Variants in OTOGL observed in about 807,000 individuals in gnomAD.
OTOGL encodes the protein otogelin-like protein.
A neutral mutation model predicts 318.5 loss-of-function variants in OTOGL; 285 were observed. The ratio of observed to expected loss-of-function variants is 0.89; its 90% CI spans 0.81 to 0.99. OTOGL has a LOEUF of 0.99. OTOGL is among the 50% of genes least tolerant of loss of function. OTOGL has a pLI of 0.00. For synonymous variants in OTOGL, 987 were observed against 936.5 expected (o/e 1.05, Z -0.99); for missense variants, 2,899 against 2,845.6 (o/e 1.02, Z -0.43).
At chr12:80,196,350 A>G (rs1362522043) in intron 1 of OTOGL, among the ~76,000 whole-genome samples, 1 of 152,230 alleles carries the variant, frequency 6.6e-6, no homozygotes, top group Non-Finnish European at 1.5e-5. Context: ...TGATGTGATA[A>G]TATTGTTATT....
chr12:80,358,689 G>A lies in OTOGL; in HGVS notation c.6140G>A (p.Cys2047Tyr). Residue 2047 changes from cysteine (C) to tyrosine (Y), a missense_variant, in exon 51 of 59, where the codon TGT becomes TAT. Physicochemically the swap from Cys to Tyr is radical, Grantham distance 194 (BLOSUM62 -2). Coordinates refer to ENST00000547103, the MANE Select transcript of OTOGL (RefSeq NM_001378609.3). ...TTTTTAGTATGTGAACCAAACCTTT[G>A]TCCTATGCCATTACTCAACTGTGCA... Reference protein sequence around the residue: ...QYYCVCEPNLCPMPLLNCAED... With the variant: ...QYYCVCEPNLYPMPLLNCAED... 6.2e-7 allele frequency: 1 copy of A among 1,612,260 alleles called. No homozygotes were observed. Among genetic ancestry groups the A allele is most frequent in the Non-Finnish European group, 8.5e-7 (1 of 1,178,750 alleles).
In OTOGL at chr12:80,255,023, C is replaced by CTTT. The variant is rs761399547; in HGVS notation, c.1442-8_1442-6dup. ...ACCTCCTTTTCTTTTTCTTTGTTTT[C>CTTT]TTTTTTTTTTTGGCAGTTCAATGCT... is the stretch of plus-strand genomic sequence containing the variant. On this transcript the variant is annotated splice_polypyrimidine_tract_variant and intron_variant, in intron 15 of 58. Coordinates refer to ENST00000547103, the MANE Select transcript of OTOGL (RefSeq NM_001378609.3). 7 of 1,058,642 alleles carry CTTT rather than the reference C, an allele frequency of 6.6e-6. No homozygotes were observed. Among genetic ancestry groups the CTTT allele is most frequent in the South Asian group, 2.1e-5 (1 of 48,716 alleles). 65.6% of individuals were successfully genotyped at this position (1,058,642 alleles called of 1,614,324 possible).
At chr12:80,315,545 G>T (rs988202972) in intron 32 of OTOGL, among the ~76,000 whole-genome samples, 1 of 152,174 alleles carries the variant, frequency 6.6e-6, no homozygotes, top group Non-Finnish European at 1.5e-5. Context: ...GTGATCTAGG[G>T]AAGTATCCAT....
chr12:80,101,390 C>T (rs1297271920), intron 1 of OTOGL, among the ~76,000 whole-genome samples: 5 of 152,192 alleles, frequency 3.3e-5, no homozygotes, highest in Non-Finnish European at 7.3e-5. Flanking sequence ...TAGTCACACA[C>T]ACTTCCTCAT....
At chr12:80,127,108 C>T (rs1165857009) in intron 1 of OTOGL, among the ~76,000 whole-genome samples, 1 of 152,112 alleles carries the variant, frequency 6.6e-6, no homozygotes, top group Non-Finnish European at 1.5e-5. Context: ...TTATTTTGCA[C>T]GTTAGTTGAT....
intron 11 of OTOGL, among the ~76,000 whole-genome samples, chr12:80,242,887 T>C (rs548276807): frequency 6.6e-6 from 1 of 152,240 alleles, no homozygotes; most frequent in East Asian, 1.9e-4. Flanking sequence ...AGAGATAACA[T>C]TTGACTTGGA....
chr12:80,363,482 A>C (rs76833906), intron 52 of OTOGL, among the ~76,000 whole-genome samples: 8,176 of 152,286 alleles, frequency 0.054, 300 homozygotes, highest in Middle Eastern at 0.15. Flanking sequence ...TAGGAGGGCA[A>C]AATGAAAGAC....
intron 17 of OTOGL, 93 bp downstream of exon 17, chr12:80,256,553 A>G (rs1184192186): frequency 3.5e-6 from 5 of 1,444,664 alleles, no homozygotes; most frequent in Non-Finnish European, 3.7e-6. Context: ...ATCTTTTCCT[A>G]ATGTTAGGCT....
At chr12:80,331,064 C>T (rs976901434) in intron 37 of OTOGL, among the ~76,000 whole-genome samples, 1 of 152,158 alleles carries the variant, frequency 6.6e-6, no homozygotes, top group African/African-American at 2.4e-5. Context: ...AATACAATCC[C>T]TATCAAAATC....
At chr12:80,269,905 T>C (rs1263913965) in intron 22 of OTOGL, among the ~76,000 whole-genome samples, 197 bp from the exon 23 acceptor site, 1 of 152,102 alleles carries the variant, frequency 6.6e-6, no homozygotes, top group Admixed American at 6.6e-5. Flanking sequence ...TATAGGTGTT[T>C]GATAAAAAGT....
At chr12:80,335,314 A>C (rs935685541) in intron 38 of OTOGL, among the ~76,000 whole-genome samples, 1 of 152,096 alleles carries the variant, frequency 6.6e-6, no homozygotes, top group African/African-American at 2.4e-5. Flanking sequence ...AATATGAAAT[A>C]ATAGTATCTA....
Position 80,368,259 on chromosome 12 carries a change from A to G in OTOGL, c.6565A>G (p.Asn2189Asp), listed in dbSNP as rs761993940. Reference sequence around the variant, plus strand: ...TTATGGTTGTTGTGGTACCTGCAAAAATGTATCCTGCAAATTTCACATGGA... The same window carrying G: ...TTATGGTTGTTGTGGTACCTGCAAAGATGTATCCTGCAAATTTCACATGGA... ...SDYGCCGTCK[N>D]VSCKFHMENG... Residue 2189 changes from asparagine to aspartate, a missense_variant, in exon 55 of 59, where the codon AAT becomes GAT. By Grantham distance (23) the Asn-to-Asp change is conservative. Around this residue, in one of 3 missense-constraint regions of OTOGL, gnomAD observed 289 missense variants for 304.6 expected, o/e 0.95. Coordinates refer to ENST00000547103, the MANE Select transcript of OTOGL (RefSeq NM_001378609.3). The G allele has an allele frequency of 1.2e-6, 2 of 1,603,896 alleles. No individual in the cohort carries two copies. The highest frequency in any genetic ancestry group is 2.2e-5 in the South Asian group (2 of 89,306).
chr12:80,232,911 A>G lies in OTOGL; in HGVS notation c.631A>G (p.Ile211Val), dbSNP rs1298759516. Residue 211 changes from isoleucine (I) to valine (V), a missense_variant, in exon 9 of 59, where the codon ATT (isoleucine) becomes GTT (valine). Physicochemically the swap from Ile to Val is conservative, Grantham distance 29. This residue lies in a region of OTOGL where 2,607 missense variants were observed against 2,524.9 expected (regional missense o/e 1.03). Transcript: ENST00000547103. Reference protein sequence around the residue: ...NGISLTLPQTIGQIFIEKLAD... With the variant: ...NGISLTLPQTVGQIFIEKLAD... ...TTCAAGTTTAACATTGCCTCAGACA[A>G]TTGGACAGATTTTCATTGAGAAACT... 6 of 1,598,632 alleles carry G rather than the reference A, an allele frequency of 3.8e-6. No homozygotes were observed. Among genetic ancestry groups the G allele is most frequent in the Non-Finnish European group, 5.1e-6 (6 of 1,179,078 alleles).
intron 35 of OTOGL, 41 bp downstream of exon 35, chr12:80,323,881 A>G (rs1887514245): frequency 6.8e-7 from 1 of 1,474,470 alleles, no homozygotes; most frequent in African/African-American, 1.4e-5. Flanking sequence ...GTCCAGCCTT[A>G]GCAAATTCTG....
intron 28 of OTOGL, among the ~76,000 whole-genome samples, chr12:80,304,218 G>A (rs1226590349): frequency 6.6e-6 from 1 of 151,946 alleles, no homozygotes; most frequent in Non-Finnish European, 1.5e-5. Context: ...ATCCATTCAT[G>A]GTTGAATATC....
At position 80,296,098 on chromosome 12, in the gene OTOGL, A is replaced by G. The variant is rs190727303; in HGVS notation, c.2929-729A>G. Among the ~76,000 whole-genome samples the G allele has an allele frequency of 1.2e-4, 19 of 152,328 alleles. No homozygotes were observed. The East Asian group carries it at 3.3e-3, about 26-fold the overall frequency. ...TGTTCCTTGAATTTAGGGATTCCCT[A>G]TCATCTAAAGTTGTCTTTTCTCCTC... On this transcript the variant is annotated intron_variant, in intron 26 of 58. Coordinates refer to ENST00000547103, the MANE Select transcript of OTOGL (RefSeq NM_001378609.3).
chr12:80,156,675 T>G (rs1249463034), intron 1 of OTOGL, among the ~76,000 whole-genome samples: 3 of 152,176 alleles, frequency 2.0e-5, no homozygotes, highest in Non-Finnish European at 2.9e-5. Flanking sequence ...AAATTCCCTC[T>G]TTGCCTGCTG....
intron 1 of OTOGL, among the ~76,000 whole-genome samples, chr12:80,177,515 C>T (rs1874608286): frequency 6.6e-6 from 1 of 152,020 alleles, no homozygotes; most frequent in Non-Finnish European, 1.5e-5. Flanking sequence ...ATGATTTTAA[C>T]TTTATAATAA....
intron 9 of OTOGL, among the ~76,000 whole-genome samples, chr12:80,234,021 G>A (rs755100324): frequency 4.6e-5 from 7 of 152,132 alleles, no homozygotes; most frequent in Non-Finnish European, 1.0e-4. Context: ...TGTAAGGTGA[G>A]TAGTCTTTTC....
Sources: gnomAD v4.1 joint callset for allele counts (sites outside exome capture counted in the v4.1 genomes callset) on GRCh38, gnomAD v4.1.1 for gene constraint, gnomAD v4.1.1 regional missense constraint, MANE v1.5 for transcripts, NCBI Gene and HGNC (gene_info 2026-07-23, HGNC 2026-07-21) for gene names.